Variants in ADGRL3 observed in about 807,000 individuals in gnomAD.
ADGRL3 encodes adhesion G protein-coupled receptor L3, also known as calcium-independent alpha-latrotoxin receptor 3.
A neutral mutation model predicts 153.5 loss-of-function variants in ADGRL3; 62 were observed. That is an observed-to-expected ratio of 0.40 (90% CI 0.33 to 0.50). The LOEUF (loss-of-function observed/expected upper bound fraction) is 0.50. Among genes scored for constraint, ADGRL3 ranks in the 20% least tolerant of loss-of-function variants. The pLI is 0.47. For missense variants in ADGRL3, 1,641 were observed against 1,859.4 expected, an observed-to-expected ratio of 0.88 and a Z score of 2.16; for synonymous variants, 710 against 672.5, an observed-to-expected ratio of 1.06 and a Z score of -0.86.
chr4:61,808,792 C>CTTTTTTT (rs79256517), intron 8 of ADGRL3, among the ~76,000 whole-genome samples: 1 of 128,848 alleles, frequency 7.8e-6, no homozygotes, highest in African/African-American at 2.9e-5. Flanking sequence ...AGAAATCGGG[C>CTTTTTTT]TTTTTTTTTT....
chr4:61,996,227 C>T (rs2099121242), intron 19 of ADGRL3, 64 bp from the exon 20 acceptor site: 1 of 971,690 alleles, frequency 1.0e-6, no homozygotes, highest in Non-Finnish European at 1.6e-6. Context: ...GTCACAGGTT[C>T]ACTCTTGATG....
chr4:61,346,326 C>G (rs2095906068), intron 1 of ADGRL3, among the ~76,000 whole-genome samples: 2 of 151,678 alleles, frequency 1.3e-5, no homozygotes, highest in Non-Finnish European at 2.9e-5. Flanking sequence ...CACACACACA[C>G]ACACACACAC....
intron 10 of ADGRL3, 141 bp downstream of exon 10, chr4:61,893,099 C>CTT (rs1177598528): frequency 3.0e-4 from 118 of 391,876 alleles, no homozygotes; most frequent in Non-Finnish European, 4.2e-4. Flanking sequence ...CTTTCTCCTT[C>CTT]CTTCCTTCCT....
intron 4 of ADGRL3, among the ~76,000 whole-genome samples, chr4:61,548,364 G>GCACA (rs200474533): frequency 3.2e-5 from 3 of 93,350 alleles, no homozygotes; most frequent in Non-Finnish European, 7.7e-5. Flanking sequence ...CAGGGCCTGT[G>GCACA]TCCGCAATGA....
intron 2 of ADGRL3, chr4:61,420,804 A>T (rs1168113712): frequency 6.6e-6 from 1 of 151,758 alleles, no homozygotes; most frequent in African/African-American, 2.4e-5. Flanking sequence ...AAAAAAAAAA[A>T]AAAGTCTACT....
chr4:61,303,217 C>T (rs2094641166), intron 1 of ADGRL3, among the ~76,000 whole-genome samples: 1 of 152,280 alleles, frequency 6.6e-6, no homozygotes, highest in East Asian at 1.9e-4. Context: ...CTGGGAGATA[C>T]AATGCCTACT....
chr4:61,487,476 T>C (rs770922343), intron 2 of ADGRL3, among the ~76,000 whole-genome samples: 6 of 152,116 alleles, frequency 3.9e-5, no homozygotes, highest in Non-Finnish European at 8.8e-5. Flanking sequence ...AGGAAGATGA[T>C]TATTTTTCTT....
chr4:61,848,124 A>G (rs183704786), intron 9 of ADGRL3, among the ~76,000 whole-genome samples: 231 of 115,770 alleles, frequency 2.0e-3, no homozygotes, highest in Middle Eastern at 7.6e-3. Flanking sequence ...ATATTAGAGG[A>G]GCAGACTTTT....
intron 8 of ADGRL3, among the ~76,000 whole-genome samples, chr4:61,781,455 C>T (rs1274348950): frequency 6.6e-6 from 1 of 151,842 alleles, no homozygotes; most frequent in African/African-American, 2.4e-5. Context: ...CACTTCTTTT[C>T]TATATGCATC....
intron 2 of ADGRL3, among the ~76,000 whole-genome samples, chr4:61,479,917 A>T (rs1158017542): frequency 6.6e-6 from 1 of 152,116 alleles, no homozygotes; most frequent in Non-Finnish European, 1.5e-5. Context: ...TATATAGTTA[A>T]GGTTCACAAG....
rs190694554 is a variant in ADGRL3 at position 61,844,962 on chromosome 4, G to C, written c.1480+31073G>C. On this transcript the variant is annotated intron_variant, in intron 9 of 26. Transcript: ENST00000683033. The stretch of plus-strand genomic sequence containing the variant: ...GTTCCTACATGACTAGTGGGTATAT[G>C]GTATCTACCCACTCAATATTAAGAA... Among the ~76,000 whole-genome samples the C allele has an allele frequency of 7.2e-4, 110 of 152,078 alleles. 1 individual carries two copies. In the East Asian group the frequency reaches 0.016, roughly 22 times the overall value.
chr4:61,979,808 T>C (rs2099061246), intron 18 of ADGRL3, 36 bp downstream of exon 18: 1 of 1,563,178 alleles, frequency 6.4e-7, no homozygotes, highest in African/African-American at 1.4e-5. Flanking sequence ...GAAGAATTTT[T>C]CCACTTCCAG....
chr4:61,687,505 C>CATT (rs2095468505), intron 6 of ADGRL3, among the ~76,000 whole-genome samples: 1 of 151,922 alleles, frequency 6.6e-6, no homozygotes, highest in Non-Finnish European at 1.5e-5. Context: ...ATTTCTAATA[C>CATT]ATTATTTTTA....
chr4:61,979,860 G>A (rs2150810260), intron 18 of ADGRL3, 88 bp downstream of exon 18: 2 of 1,127,030 alleles, frequency 1.8e-6, no homozygotes, highest in Middle Eastern at 2.0e-4. Context: ...ATGTTTGAAA[G>A]TATCATTTCT....
chr4:61,659,507 C>G (rs2094532373), intron 5 of ADGRL3, among the ~76,000 whole-genome samples: 1 of 152,048 alleles, frequency 6.6e-6, no homozygotes, highest in African/African-American at 2.4e-5. Context: ...AATGAATAAT[C>G]TAATTTGCTA....
chr4:61,205,490 T>C lies in ADGRL3; in HGVS notation c.-240+3725T>C, dbSNP rs143427347. 7.2e-5 allele frequency among the ~76,000 whole-genome samples: 11 copies of C among 152,344 alleles called. No individual in the cohort carries two copies. The East Asian group carries it at 2.1e-3, about 29-fold the overall frequency. ...CCTTCTCTTTCCTAGATTTGCATTA[T>C]ATTCAAAATATGCATTTGCTCACTT... On this transcript the variant is annotated intron_variant, in intron 1 of 26. Coordinates refer to ENST00000683033, the MANE Select transcript of ADGRL3 (RefSeq NM_001387552.1).
intron 8 of ADGRL3, among the ~76,000 whole-genome samples, chr4:61,812,370 A>G (rs1015388319): frequency 6.6e-6 from 1 of 152,210 alleles, no homozygotes; most frequent in Non-Finnish European, 1.5e-5. Context: ...AGCCATATTA[A>G]TTATTTGAAA....
chr4:62,046,425 T>C (rs1017220847), intron 25 of ADGRL3, among the ~76,000 whole-genome samples: 1 of 152,098 alleles, frequency 6.6e-6, no homozygotes, highest in East Asian at 1.9e-4. Flanking sequence ...TCCTTTTTAA[T>C]TGCTTCTCAA....
chr4:61,481,857 G>A (rs1216561877), intron 2 of ADGRL3, among the ~76,000 whole-genome samples: 1 of 151,914 alleles, frequency 6.6e-6, no homozygotes, highest in East Asian at 1.9e-4. Flanking sequence ...AATATAAAAG[G>A]TGTAAACTTT....
Sources: gnomAD v4.1 joint callset for allele counts (sites outside exome capture counted in the v4.1 genomes callset) on GRCh38, gnomAD v4.1.1 for gene constraint, MANE v1.5 for transcripts, NCBI Gene and HGNC (gene_info 2026-07-23, HGNC 2026-07-21) for gene names.